Variants in MRPS27 observed in about 807,000 individuals in gnomAD.
The protein encoded by MRPS27 is mitochondrial ribosomal protein S27, also known as small ribosomal subunit protein mS27.
MRPS27 carries 43 observed loss-of-function variants against 48.9 expected under a neutral mutation model. The observed-to-expected ratio is 0.88, with a 90% CI of 0.69 to 1.13. The LOEUF (loss-of-function observed/expected upper bound fraction) is 1.13. Ranked by LOEUF, MRPS27 falls within the 50% of genes most tolerant of loss-of-function variation. MRPS27 has a pLI of 0.00. For synonymous variants in MRPS27, 188 were observed against 171.9 expected, an observed-to-expected ratio of 1.09 and a Z score of -0.73; for missense variants, 467 against 476.3, an observed-to-expected ratio of 0.98 and a Z score of 0.18.
intron 4 of MRPS27, among the ~76,000 whole-genome samples, chr5:72,278,442 C>CAAAA (rs11296227): frequency 1.1e-5 from 1 of 94,662 alleles, no homozygotes; most frequent in African/African-American, 4.2e-5. Flanking sequence ...CTCTCCATCT[C>CAAAA]AAAAAAAAAA....
intron 2 of MRPS27, among the ~76,000 whole-genome samples, chr5:72,298,630 C>T (rs1302256355): frequency 5.5e-5 from 8 of 145,950 alleles, no homozygotes; most frequent in South Asian, 4.5e-4. Context: ...GGCGTGAACC[C>T]GGGAAGCGGA....
In MRPS27 at chr5:72,238,140, CAAG is replaced by C. The variant is rs1235265212; in HGVS notation, c.282-15_282-13del. 1.1e-5 allele frequency: 18 copies of C among 1,589,992 alleles called. No homozygotes were observed. Among genetic ancestry groups the C allele is most frequent in the South Asian group, 2.2e-5 (2 of 90,532 alleles). On this transcript the variant is annotated splice_polypyrimidine_tract_variant and intron_variant, in intron 4 of 10. Transcript: ENST00000261413. ...GGCTGTGTCGAAACCTAAATAAGCA[CAAG>C]AAGAGAGAAAACTGGTGTTAACTCT...
intron 4 of MRPS27, among the ~76,000 whole-genome samples, chr5:72,287,632 C>G (rs1749708177): frequency 6.6e-6 from 1 of 152,138 alleles, no homozygotes; most frequent in South Asian, 2.1e-4. Context: ...GAGACTCCAT[C>G]TCAATAAAAA....
At position 72,287,796 on chromosome 5, in the gene MRPS27, G is replaced by C. The variant is rs536324288; in HGVS notation, c.281+7735C>G. Among the ~76,000 whole-genome samples the C allele has an allele frequency of 3.3e-5, 5 of 152,338 alleles. No homozygotes were observed. The East Asian group carries it at 9.6e-4, about 29-fold the overall frequency. On this transcript the variant is annotated intron_variant, in intron 4 of 10. Transcript: ENST00000261413. ...GTGTTGGCACAAATGTGGAGGAAGC[G>C]GAACTGCTGTTGGGACTATAAATGG...
intron 4 of MRPS27, among the ~76,000 whole-genome samples, chr5:72,253,276 A>C (rs1467006756): frequency 6.6e-6 from 1 of 152,192 alleles, no homozygotes; most frequent in African/African-American, 2.4e-5. Flanking sequence ...TCTACCCTTT[A>C]CTGTCATATC....
At chr5:72,269,973 A>G (rs1158866694) in intron 4 of MRPS27, among the ~76,000 whole-genome samples, 2 of 152,060 alleles carry the variant, frequency 1.3e-5, no homozygotes, top group East Asian at 3.9e-4. Flanking sequence ...TGGGCAGATC[A>G]CCTAAGGTCT....
chr5:72,303,925 C>A (rs1750187983), intron 2 of MRPS27, among the ~76,000 whole-genome samples: 1 of 136,572 alleles, frequency 7.3e-6, no homozygotes, highest in African/African-American at 2.7e-5. Flanking sequence ...GAAATGAAGA[C>A]ATTTTTGGAC....
chr5:72,294,929 T>C (rs1749936392), intron 4 of MRPS27: 1 of 152,102 alleles, frequency 6.6e-6, no homozygotes, highest in South Asian at 2.1e-4. Context: ...ATTTTCGAAT[T>C]AGAGGTACTC....
chr5:72,285,439 T>C (rs1439670788), intron 4 of MRPS27, among the ~76,000 whole-genome samples: 1 of 152,252 alleles, frequency 6.6e-6, no homozygotes, highest in Non-Finnish European at 1.5e-5. Context: ...TATCTACTTA[T>C]CATATCCTGG....
chr5:72,244,208 T>C lies in MRPS27; in HGVS notation c.282-6080A>G, dbSNP rs16876730. Among the ~76,000 whole-genome samples the C allele has an allele frequency of 8.7e-4, 132 of 152,222 alleles. 1 individual carries two copies. The East Asian group carries it at 0.024, about 28-fold the overall frequency. Reference sequence around the variant, plus strand: ...CTGCCTGCTAATCTAAAAAGGGTGATGAGTAAGTAGATTTTTGGTAGAGAA... The same window carrying C: ...CTGCCTGCTAATCTAAAAAGGGTGACGAGTAAGTAGATTTTTGGTAGAGAA... On this transcript the variant is annotated intron_variant, in intron 4 of 10. Coordinates refer to ENST00000261413, the MANE Select transcript of MRPS27 (RefSeq NM_015084.3).
chr5:72,271,495 G>A (rs147017848), intron 4 of MRPS27, among the ~76,000 whole-genome samples: 4 of 152,112 alleles, frequency 2.6e-5, no homozygotes, highest in African/African-American at 7.2e-5. Flanking sequence ...GTTAAACCCC[G>A]TTCATGTCAA....
chr5:72,254,404 A>T (rs1748741170), intron 4 of MRPS27, among the ~76,000 whole-genome samples: 1 of 152,168 alleles, frequency 6.6e-6, no homozygotes, highest in Non-Finnish European at 1.5e-5. Flanking sequence ...GAAGGGATGG[A>T]AGAAAAAAGA....
intron 4 of MRPS27, among the ~76,000 whole-genome samples, chr5:72,267,124 G>GAA (rs1749124695): frequency 3.3e-5 from 5 of 152,074 alleles, no homozygotes; most frequent in Admixed American, 3.3e-4. Flanking sequence ...AGAAAACTGA[G>GAA]GTCAGCAATG....
chr5:72,269,806 GGAAAACA>G (rs1176213659), intron 4 of MRPS27, among the ~76,000 whole-genome samples: 1 of 151,884 alleles, frequency 6.6e-6, no homozygotes, highest in Non-Finnish European at 1.5e-5. Context: ...ATTTACTGGA[GGAAAACA>G]GAAAAATTTC....
At chr5:72,318,789 G>GA (rs11384406) in intron 1 of MRPS27, among the ~76,000 whole-genome samples, 125,732 of 142,250 alleles carry the variant, frequency 0.88, 55,662 homozygotes, top group East Asian at 0.97. Context: ...AACGAAACCC[G>GA]AAAAAAAAAA....
intron 4 of MRPS27, among the ~76,000 whole-genome samples, chr5:72,285,106 C>A (rs929082937): frequency 2.0e-5 from 3 of 151,920 alleles, no homozygotes; most frequent in Non-Finnish European, 2.9e-5. Context: ...AGATTTTGAA[C>A]CCTCCCTTCT....
chr5:72,308,627 G>A (rs775807347), intron 2 of MRPS27, among the ~76,000 whole-genome samples: 1 of 152,204 alleles, frequency 6.6e-6, no homozygotes, highest in Admixed American at 6.5e-5. Flanking sequence ...AGCCACGGGC[G>A]CTCTCCCTAC....
chr5:72,271,706 T>C (rs1749246061), intron 4 of MRPS27, among the ~76,000 whole-genome samples: 1 of 152,230 alleles, frequency 6.6e-6, no homozygotes, highest in Non-Finnish European at 1.5e-5. Flanking sequence ...GTTCTGATTT[T>C]AATCATTATA....
chr5:72,228,202 G>A (rs1747949819), intron 8 of MRPS27, 64 bp downstream of exon 8: 1 of 1,323,506 alleles, frequency 7.6e-7, no homozygotes, highest in Non-Finnish European at 1.1e-6. Context: ...ATTTTATTAT[G>A]AACTGGAAGA....
Sources: allele counts gnomAD v4.1 joint callset (sites outside exome capture counted in the v4.1 genomes callset), GRCh38; gene constraint gnomAD v4.1.1; transcripts MANE v1.5; gene names NCBI Gene and HGNC (gene_info 2026-07-23, HGNC 2026-07-21).